BIRC6: variants seen among roughly 807,000 people sequenced by gnomAD.
BIRC6 encodes the protein baculoviral IAP repeat containing 6, also known as dual E2 ubiquitin-conjugating enzyme/E3 ubiquitin-protein ligase BIRC6.
BIRC6 carries 98 observed loss-of-function variants against 503.3 expected under a neutral mutation model. The observed-to-expected ratio is 0.19, with a 90% CI of 0.17 to 0.23. The LOEUF is 0.23. Ranked by LOEUF, BIRC6 falls within the 10% of genes least tolerant of loss-of-function variation. The probability of loss-of-function intolerance (pLI) is 1.00; values close to 1 mark genes in which losing one functional copy is unlikely to be tolerated. For missense variants in BIRC6, 5,360 were observed against 5,806.0 expected (o/e 0.92, Z 2.50); for synonymous variants, 2,240 against 2,078.7 (o/e 1.08, Z -2.11).
Position 32,361,206 on chromosome 2 carries a change from A to T in BIRC6, c.325+3720A>T, listed in dbSNP as rs1374053685. ...CACCTTGGCCTCCCAAAGTGTTGGG[A>T]TTACAGGTTTGGGCCACCGCGCCCA... On this transcript the variant is annotated intron_variant, in intron 1 of 73. Coordinates refer to ENST00000421745, the MANE Select transcript of BIRC6 (RefSeq NM_016252.4). 2.6e-5 allele frequency among the ~76,000 whole-genome samples: 4 copies of T among 152,166 alleles called. No homozygotes were observed. In the South Asian group the frequency reaches 8.3e-4, roughly 31 times the overall value.
intron 66 of BIRC6, among the ~76,000 whole-genome samples, chr2:32,585,984 A>G (rs2060994332): frequency 6.6e-6 from 1 of 152,192 alleles, no homozygotes; most frequent in Non-Finnish European, 1.5e-5. Flanking sequence ...AAACTTAGTA[A>G]TAGGTAATAA....
At chr2:32,397,586 G>GTA (rs2040052593) in intron 6 of BIRC6, among the ~76,000 whole-genome samples, 1 of 143,626 alleles carries the variant, frequency 7.0e-6, no homozygotes, top group African/African-American at 2.6e-5. Context: ...GTGTGTGTGT[G>GTA]TGTGTGTGTG....
In BIRC6 at chr2:32,594,025, A is replaced by G. The variant is rs1355648515; in HGVS notation, c.13466A>G (p.Tyr4489Cys). ...ATCCAAAAGACTGCTGAGATAGTTT[A>G]TGCAGCCACCACCAGTTTGCGGCAA... ...PDIQKTAEIV[Y>C]AATTSLRQAN... The change falls in exon 67 of 74, where the codon TAT becomes TGT. Residue 4489 changes from tyrosine to cysteine, a missense_variant. This residue lies in a region of BIRC6 where 477 missense variants were observed against 574.4 expected (regional missense o/e 0.83). Coordinates refer to ENST00000421745, the MANE Select transcript of BIRC6 (RefSeq NM_016252.4). 2 of 1,613,112 alleles carry G rather than the reference A, an allele frequency of 1.2e-6. No individual in the cohort carries two copies. The highest frequency in any genetic ancestry group is 2.2e-5 in the East Asian group (1 of 44,824).
At chr2:32,521,682 A>T (rs1401223837) in intron 57 of BIRC6, among the ~76,000 whole-genome samples, 5 of 147,332 alleles carry the variant, frequency 3.4e-5, no homozygotes, top group African/African-American at 5.0e-5. Context: ...GTTTTGTCAT[A>T]TTGGCCATGC....
chr2:32,407,458 A>AG (rs2041359670), intron 9 of BIRC6, among the ~76,000 whole-genome samples: 1 of 151,544 alleles, frequency 6.6e-6, no homozygotes, highest in African/African-American at 2.4e-5. Flanking sequence ...AAAAAAAAAA[A>AG]AAAAAAAAAG....
chr2:32,547,770 T>C, intron 63 of BIRC6, 80 bp from the exon 64 acceptor site: 1 of 1,274,482 alleles, frequency 7.8e-7, no homozygotes, highest in Middle Eastern at 2.2e-4. Context: ...AGCTTCATCA[T>C]TTTACTTTCC....
intron 66 of BIRC6, among the ~76,000 whole-genome samples, chr2:32,589,603 A>G (rs1249519854): frequency 6.6e-6 from 1 of 152,188 alleles, no homozygotes; most frequent in East Asian, 1.9e-4. Flanking sequence ...AGCATTTGTT[A>G]TACCCATATA....
At chr2:32,372,707 G>A (rs998201374) in intron 1 of BIRC6, among the ~76,000 whole-genome samples, 1 of 152,090 alleles carries the variant, frequency 6.6e-6, no homozygotes, top group African/African-American at 2.4e-5. Flanking sequence ...GTGTGCGCCT[G>A]TAGTCCCAGC....
Position 32,502,852 on chromosome 2 carries a change from T to C in BIRC6, c.9265T>C (p.Leu3089=), listed in dbSNP as rs768064904. ...ATTATTGTGGTTCATTTTGAGAGTA[T>C]TGGATACTAGTGATGCCTTGAAAGC... ...EPLLWFILRV[L]DTSDALKAFH... The change falls in exon 48 of 74, where the codon TTG becomes CTG. Residue 3089 remains leucine (L), a synonymous_variant. Transcript: ENST00000421745. The C allele has an allele frequency of 1.3e-5, 21 of 1,612,970 alleles. No individual in the cohort carries two copies. The East Asian group carries it at 2.9e-4, about 22-fold the overall frequency.
At chr2:32,602,918 G>C in intron 70 of BIRC6, 88 bp from the exon 71 acceptor site, 1 of 1,068,982 alleles carries the variant, frequency 9.4e-7, no homozygotes, top group Non-Finnish European at 1.4e-6. Context: ...ATTTTGACAG[G>C]ATAGCATTTT....
chr2:32,388,113 G>A (rs983624985), intron 3 of BIRC6, among the ~76,000 whole-genome samples: 5 of 151,984 alleles, frequency 3.3e-5, no homozygotes, highest in African/African-American at 4.8e-5. Context: ...TGGGCCAGGC[G>A]CAGTGGCTCA....
chr2:32,444,551 A>T (rs1028852881), intron 20 of BIRC6, among the ~76,000 whole-genome samples: 2 of 152,148 alleles, frequency 1.3e-5, no homozygotes, highest in African/African-American at 2.4e-5. Context: ...GCCAAATTTT[A>T]TTTATTGATA....
intron 6 of BIRC6, among the ~76,000 whole-genome samples, chr2:32,397,041 T>G (rs1374316309): frequency 2.6e-5 from 4 of 151,802 alleles, no homozygotes; most frequent in Non-Finnish European, 5.9e-5. Flanking sequence ...AATTGAACAA[T>G]TTTAACAATA....
At chr2:32,479,408 A>C in intron 36 of BIRC6, 54 bp from the exon 37 acceptor site, 1 of 1,497,620 alleles carries the variant, frequency 6.7e-7, no homozygotes, top group Non-Finnish European at 9.1e-7. Context: ...GTGCTGTAAT[A>C]CATTTTCGAA....
At chr2:32,421,069 T>G (rs1397726478) in intron 10 of BIRC6, among the ~76,000 whole-genome samples, 1 of 151,342 alleles carries the variant, frequency 6.6e-6, no homozygotes, top group Admixed American at 6.6e-5. Flanking sequence ...TTGATTTGGG[T>G]TTATTTTGCT....
intron 71 of BIRC6, among the ~76,000 whole-genome samples, chr2:32,606,029 A>G (rs2062425146): frequency 1.3e-5 from 2 of 152,188 alleles, no homozygotes; most frequent in Non-Finnish European, 2.9e-5. Flanking sequence ...TTTGACTTAT[A>G]AGATGCATAT....
At chr2:32,507,912 G>T in intron 50 of BIRC6, 68 bp from the exon 51 acceptor site, 1 of 1,412,940 alleles carries the variant, frequency 7.1e-7, no homozygotes. Context: ...ATTTTACTGG[G>T]ATTTTAATAA....
At chr2:32,452,437 A>G (rs2046826111) in intron 22 of BIRC6, among the ~76,000 whole-genome samples, 1 of 152,160 alleles carries the variant, frequency 6.6e-6, no homozygotes, top group Admixed American at 6.5e-5. Context: ...CCAGTAAAAC[A>G]AGGAAACAAA....
intron 9 of BIRC6, among the ~76,000 whole-genome samples, chr2:32,412,730 G>A (rs1464765229): frequency 6.6e-6 from 1 of 151,922 alleles, no homozygotes; most frequent in Non-Finnish European, 1.5e-5. Context: ...AGGATGGGGT[G>A]AGAGAGAAGA....
Sources: gnomAD v4.1 joint callset for allele counts (sites outside exome capture counted in the v4.1 genomes callset) on GRCh38, gnomAD v4.1.1 for gene constraint, gnomAD v4.1.1 regional missense constraint, MANE v1.5 for transcripts, NCBI Gene and HGNC (gene_info 2026-07-23, HGNC 2026-07-21) for gene names.